Variants in STX7 observed in about 807,000 individuals in gnomAD.
The protein encoded by STX7 is syntaxin 7, also known as syntaxin-7.
Under a neutral mutation model 39.6 loss-of-function variants are expected in STX7, and 34 were observed. The ratio of observed to expected loss-of-function variants is 0.86; its 90% CI spans 0.65 to 1.14. STX7 has a LOEUF of 1.14. STX7 is among the 50% of genes most tolerant of loss of function. The probability of loss-of-function intolerance (pLI) is 0.00; values close to 1 mark genes in which losing one functional copy is unlikely to be tolerated. For missense variants in STX7, 284 were observed against 310.4 expected, an observed-to-expected ratio of 0.92 and a Z score of 0.64; for synonymous variants, 119 against 99.1, an observed-to-expected ratio of 1.20 and a Z score of -1.19.
At chr6:132,477,318 A>G (rs1020897369) in intron 2 of STX7, among the ~76,000 whole-genome samples, 9 of 152,112 alleles carry the variant, frequency 5.9e-5, no homozygotes, top group Non-Finnish European at 8.8e-5. Context: ...TATTTTCTTA[A>G]GCGTATTGAT....
intron 2 of STX7, among the ~76,000 whole-genome samples, chr6:132,501,198 A>G (rs1775551511): frequency 6.6e-6 from 1 of 152,050 alleles, no homozygotes; most frequent in African/African-American, 2.4e-5. Context: ...GATTACAGGC[A>G]TATGCCACAA....
In STX7 at chr6:132,448,892, A is replaced by G. The variant is rs554689097; in HGVS notation, c.*11866T>C. 14 of 149,912 alleles carry G rather than the reference A, an allele frequency of 9.3e-5. No individual in the cohort carries two copies. The highest frequency in any genetic ancestry group is 2.7e-4 in the African/African-American group (11 of 41,006). 9.3% of individuals were successfully genotyped at this position (149,912 alleles called of 1,614,324 possible). On this transcript the variant is annotated 3_prime_UTR_variant, in exon 10 of 10. Transcript: ENST00000367941. Reference sequence around the variant, plus strand: ...CAATTCGTTATTCCTTTAAAAGTGGATAAGTTATTCTGGCTGCTTTTAAGA... The same window carrying G: ...CAATTCGTTATTCCTTTAAAAGTGGGTAAGTTATTCTGGCTGCTTTTAAGA...
Position 132,460,693 on chromosome 6 carries a change from A to G in STX7, c.*65T>C. On this transcript the variant is annotated 3_prime_UTR_variant, in exon 10 of 10. Coordinates refer to ENST00000367941, the MANE Select transcript of STX7 (RefSeq NM_003569.3). ...GCTTTAAAATAATAATTAAAAAAAC[A>G]TGATTACAGGAATCTTCCTACATAA... The G allele has an allele frequency of 3.3e-6, 4 of 1,226,710 alleles. No homozygotes were observed. Among genetic ancestry groups the G allele is most frequent in the East Asian group, 2.4e-5 (1 of 42,156 alleles). The allele number at this position is 1,226,710 out of a possible 1,614,324, so 76.0% of individuals were successfully genotyped here.
At chr6:132,502,657 T>C (rs954657891) in intron 2 of STX7, among the ~76,000 whole-genome samples, 17 of 152,154 alleles carry the variant, frequency 1.1e-4, no homozygotes, top group African/African-American at 3.9e-4. Flanking sequence ...CCCAGCACTT[T>C]AGGAGGCTGA....
chr6:132,447,223 A>G lies in STX7; in HGVS notation c.*13535T>C, dbSNP rs1024030997. On this transcript the variant is annotated 3_prime_UTR_variant, in exon 10 of 10. Coordinates refer to ENST00000367941, the MANE Select transcript of STX7 (RefSeq NM_003569.3). The stretch of plus-strand genomic sequence containing the variant: ...GTGGAAAGAGTTAGACTCACTAGAC[A>G]TTGATTAGCTGACTGACATAGAGCG... The G allele has an allele frequency of 6.6e-6, 1 of 152,224 alleles. No individual in the cohort carries two copies. The allele number at this position is 152,224 out of a possible 1,614,324, so 9.4% of individuals were successfully genotyped here. A position where few individuals can be genotyped will look rare whatever the true frequency, so the allele number is the denominator to read the frequency against.
In STX7 at chr6:132,460,768, A is replaced by G; in HGVS notation, c.776T>C (p.Leu259Ser). Residue 259 changes from leucine (L) to serine (S), a missense_variant, in exon 10 of 10, where the codon TTG (leucine) becomes TCG (serine). Transcript: ENST00000367941. ...TGCTCCTTTATAACTTCAGTGGTTC[A>G]ATCCCCATATGATGAGACTGATAAT... ...VAIISLIIWGLNH is the reference protein window; with the variant it reads ...VAIISLIIWGSNH The G allele has an allele frequency of 2.5e-6, 4 of 1,612,596 alleles. No individual in the cohort carries two copies. The highest frequency in any genetic ancestry group is 3.4e-6 in the Non-Finnish European group (4 of 1,178,900).
chr6:132,484,316 A>C (rs1480259411), intron 2 of STX7, among the ~76,000 whole-genome samples: 1 of 152,204 alleles, frequency 6.6e-6, no homozygotes, highest in African/African-American at 2.4e-5. Flanking sequence ...ACAGCAATGA[A>C]GATCCATTCT....
At chr6:132,482,424 T>C (rs181935090) in intron 2 of STX7, among the ~76,000 whole-genome samples, 2 of 152,308 alleles carry the variant, frequency 1.3e-5, no homozygotes, top group East Asian at 1.9e-4. Context: ...AAAAATATTA[T>C]ACGGTATTAG....
At chr6:132,476,615 AAC>A (rs1049983256) in intron 2 of STX7, among the ~76,000 whole-genome samples, 1 of 152,180 alleles carries the variant, frequency 6.6e-6, no homozygotes, top group African/African-American at 2.4e-5. Context: ...GAAAGTAAAA[AAC>A]ACATTAAACA....
chr6:132,471,443 A>C lies in STX7; in HGVS notation c.387+20T>G. 1.2e-6 allele frequency: 2 copies of C among 1,604,258 alleles called. No individual in the cohort carries two copies. The highest frequency in any genetic ancestry group is 1.7e-6 in the Non-Finnish European group (2 of 1,176,570). ...GCAAGTAACCATGTTCATTTCTAGAATGTCTTTTAAAATACTTACAGACAC... is the reference window on the plus strand; with the variant it reads ...GCAAGTAACCATGTTCATTTCTAGACTGTCTTTTAAAATACTTACAGACAC... On this transcript the variant is annotated intron_variant, in intron 5 of 9. Transcript: ENST00000367941.
chr6:132,498,255 T>C (rs1775466505), intron 2 of STX7, among the ~76,000 whole-genome samples: 1 of 152,042 alleles, frequency 6.6e-6, no homozygotes, highest in Non-Finnish European at 1.5e-5. Flanking sequence ...TTCTAATTTA[T>C]TTTACATGTA....
intron 9 of STX7, chr6:132,461,715 A>G (rs1010247348): frequency 9.6e-7 from 1 of 1,041,714 alleles, no homozygotes; most frequent in Non-Finnish European, 1.3e-6. Flanking sequence ...AAATCTCAAC[A>G]AACAAAACCA....
rs544275099 is a variant in STX7 at position 132,464,192 on chromosome 6, G to C, written c.611-117C>G. The C allele has an allele frequency of 5.0e-5, 51 of 1,011,776 alleles. No individual in the cohort carries two copies. The East Asian group carries it at 1.2e-3, about 24-fold the overall frequency. 62.7% of individuals were successfully genotyped at this position (1,011,776 alleles called of 1,614,324 possible). ...TATGGTCATTATTCAAAGGTTAATA[G>C]TAGTATATCATAAAGTTGAATTTTT... On this transcript the variant is annotated intron_variant, in intron 8 of 9. Transcript: ENST00000367941.
In STX7 at chr6:132,468,534, G is replaced by C; in HGVS notation, c.538-59C>G. 2.8e-6 allele frequency: 4 copies of C among 1,431,132 alleles called. No homozygotes were observed. The South Asian group carries it at 3.8e-5, about 14-fold the overall frequency. The allele number at this position is 1,431,132 out of a possible 1,614,324, so 88.7% of individuals were successfully genotyped here. A position where few individuals can be genotyped will look rare whatever the true frequency, so the allele number is the denominator to read the frequency against. On this transcript the variant is annotated intron_variant, in intron 7 of 9. Coordinates refer to ENST00000367941, the MANE Select transcript of STX7 (RefSeq NM_003569.3). ...AATTCAGTCCCCATTCCATAAAAGA[G>C]GAAAAATTTTAAAAACCCAAACCAC...
intron 2 of STX7, among the ~76,000 whole-genome samples, chr6:132,477,107 C>T (rs1774894048): frequency 6.6e-6 from 1 of 152,090 alleles, no homozygotes. Flanking sequence ...AACAGAAACA[C>T]TAGAGAAGAA....
At chr6:132,508,361 CT>C (rs1209000418) in intron 1 of STX7, among the ~76,000 whole-genome samples, 3 of 152,172 alleles carry the variant, frequency 2.0e-5, no homozygotes, top group Non-Finnish European at 4.4e-5. Flanking sequence ...AAATCAATCA[CT>C]TAGTCACAAA....
chr6:132,509,498 A>C (rs1178055240), intron 1 of STX7, among the ~76,000 whole-genome samples: 2,018 of 127,130 alleles, frequency 0.016, 134 homozygotes, highest in Admixed American at 0.038. Context: ...ATAACATAAC[A>C]TAACATAACA....
chr6:132,471,660 CG>C, intron 4 of STX7, 60 bp from the exon 5 acceptor site: 4 of 1,585,070 alleles, frequency 2.5e-6, no homozygotes, highest in Non-Finnish European at 3.4e-6. Context: ...ACTGAATTTG[CG>C]GTAGTTGGCT....
rs1264299249 is a variant in STX7, at chr6:132,477,198, C to T, written c.86-1536G>A. ...CTTTTTGGGGGTTGATTTTTCCTTT[C>T]ATAAGACAAACAAATTTTGTTTGCC... On this transcript the variant is annotated intron_variant, in intron 2 of 9. Coordinates refer to ENST00000367941, the MANE Select transcript of STX7 (RefSeq NM_003569.3). 3.9e-5 allele frequency among the ~76,000 whole-genome samples: 6 copies of T among 152,068 alleles called. No individual in the cohort carries two copies. In the South Asian group the frequency reaches 8.3e-4, roughly 21 times the overall value.
Sources: allele counts gnomAD v4.1 joint callset (sites outside exome capture counted in the v4.1 genomes callset), GRCh38; gene constraint gnomAD v4.1.1; transcripts MANE v1.5; gene names NCBI Gene and HGNC (gene_info 2026-07-23, HGNC 2026-07-21).